CSTA: variants seen among roughly 807,000 people sequenced by gnomAD.
CSTA encodes cystatin A.
Under a neutral mutation model 9.2 loss-of-function variants are expected in CSTA, and 9 were observed. The observed-to-expected ratio is 0.97, with a 90% CI of 0.59 to 1.70. The LOEUF (loss-of-function observed/expected upper bound fraction) is 1.70, where lower values mean the gene tolerates loss of function less well. CSTA is among the 40% of genes most tolerant of loss of function. The pLI, the probability that CSTA is intolerant of heterozygous loss-of-function variation, is 0.00. For missense variants in CSTA, 118 were observed against 113.1 expected (o/e 1.04, Z -0.20); for synonymous variants, 36 against 40.6 (o/e 0.89, Z 0.43).
chr3:122,332,014 A>C (rs2075207374), intron 1 of CSTA, among the ~76,000 whole-genome samples: 1 of 152,200 alleles, frequency 6.6e-6, no homozygotes, highest in South Asian at 2.1e-4. Context: ...TCCCACTCCT[A>C]TGAGAATCTA....
chr3:122,337,732 T>C (rs2107668323), intron 2 of CSTA, 84 bp downstream of exon 2: 1 of 954,472 alleles, frequency 1.0e-6, no homozygotes, highest in South Asian at 1.3e-5. Context: ...TACCACATAA[T>C]TCCTTCCTTA....
At chr3:122,336,239 T>C (rs2075236882) in intron 1 of CSTA, among the ~76,000 whole-genome samples, 1 of 152,160 alleles carries the variant, frequency 6.6e-6, no homozygotes, top group African/African-American at 2.4e-5. Flanking sequence ...GAGAAATAGT[T>C]GATTCCAGTG....
chr3:122,339,774 G>C (rs1029110877), intron 2 of CSTA, among the ~76,000 whole-genome samples: 1 of 152,184 alleles, frequency 6.6e-6, no homozygotes, highest in Non-Finnish European at 1.5e-5. Flanking sequence ...AGGATCACTT[G>C]AGCCGAGGAG....
chr3:122,335,672 C>A (rs2075232727), intron 1 of CSTA, among the ~76,000 whole-genome samples: 1 of 151,810 alleles, frequency 6.6e-6, no homozygotes, highest in Admixed American at 6.6e-5. Flanking sequence ...ACTCTTGTTG[C>A]CCAGGCTGGA....
Position 122,341,704 on chromosome 3 carries a change from A to C in CSTA, c.*137A>C. 1 of 1,120,596 alleles carries C rather than the reference A, an allele frequency of 8.9e-7. No individual in the cohort carries two copies. The highest frequency in any genetic ancestry group is 1.3e-6 in the Non-Finnish European group (1 of 767,064). 69.4% of individuals were successfully genotyped at this position (1,120,596 alleles called of 1,614,324 possible). A position where few individuals can be genotyped will look rare whatever the true frequency, so the allele number is the denominator to read the frequency against. On this transcript the variant is annotated 3_prime_UTR_variant, in exon 3 of 3. Coordinates refer to ENST00000264474, the MANE Select transcript of CSTA (RefSeq NM_005213.4). ...TCAATTATTTCTCATTTATTGTATT[A>C]AGCAGAAATTACCTTTTCTTTCTCA...
Position 122,341,667 on chromosome 3 carries a change from G to T in CSTA, c.*100G>T. ...CAATAAAGAAGCATTCTTTTCCAAA[G>T]AAATTATTTCTTCAATTATTTCTCA... On this transcript the variant is annotated 3_prime_UTR_variant, in exon 3 of 3. Coordinates refer to ENST00000264474, the MANE Select transcript of CSTA (RefSeq NM_005213.4). 4 of 1,415,754 alleles carry T rather than the reference G, an allele frequency of 2.8e-6. No individual in the cohort carries two copies. The highest frequency in any genetic ancestry group is 3.0e-6 in the Non-Finnish European group (3 of 1,014,858). The allele number at this position is 1,415,754 out of a possible 1,614,324, so 87.7% of individuals were successfully genotyped here. A position where few individuals can be genotyped will look rare whatever the true frequency, so the allele number is the denominator to read the frequency against.
At chr3:122,330,061 A>G (rs1224350973) in intron 1 of CSTA, among the ~76,000 whole-genome samples, 2 of 152,204 alleles carry the variant, frequency 1.3e-5, no homozygotes, top group Non-Finnish European at 1.5e-5. Flanking sequence ...AACAGCCCCA[A>G]GAGGCAGGTA....
intron 1 of CSTA, among the ~76,000 whole-genome samples, chr3:122,333,606 G>GAGGAAGGAAGGAAAAGGAAAGGAA (rs1488153826): frequency 7.6e-6 from 1 of 131,180 alleles, no homozygotes; most frequent in African/African-American, 2.7e-5. Flanking sequence ...AAGAGAGAGA[G>GAGGAAGGAAGGAAAAGGAAAGGAA]AGGAAGGAAG....
downstream of CSTA, chr3:122,341,969 A>AGTGT (rs35225251): frequency 9.2e-4 from 182 of 198,264 alleles, 1 homozygote; most frequent in African/African-American, 3.4e-3. Flanking sequence ...TATTTTACAA[A>AGTGT]GTGTGTGTGT....
At chr3:122,333,847 A>C (rs1244792970) in intron 1 of CSTA, among the ~76,000 whole-genome samples, 2 of 152,242 alleles carry the variant, frequency 1.3e-5, no homozygotes, top group Non-Finnish European at 2.9e-5. Flanking sequence ...TCATGCAAGG[A>C]CTTTAAAATA....
At chr3:122,337,380 G>A (rs1325461331) in intron 1 of CSTA, among the ~76,000 whole-genome samples, 167 bp from the exon 2 acceptor site, 4 of 152,110 alleles carry the variant, frequency 2.6e-5, no homozygotes, top group African/African-American at 9.7e-5. Context: ...TTTAACCTAT[G>A]TAATTGTATT....
At chr3:122,333,969 T>C (rs558616784) in intron 1 of CSTA, among the ~76,000 whole-genome samples, 1 of 152,214 alleles carries the variant, frequency 6.6e-6, no homozygotes, top group East Asian at 1.9e-4. Flanking sequence ...GTGTAGAGAT[T>C]AACTCTTTCA....
In CSTA at chr3:122,333,540, G is replaced by GAAGAAAGAAAAGAAAGAAGAAAGAAAGA. The variant is rs1460272182; in HGVS notation, c.67-3997_67-3996insAGAAAGAAGAAAGAAAGAAAGAAAGAAA. Among the ~76,000 whole-genome samples, 28 of 112,174 alleles carry GAAGAAAGAAAAGAAAGAAGAAAGAAAGA rather than the reference G, an allele frequency of 2.5e-4. No homozygotes were observed. In the East Asian group the frequency reaches 4.4e-3, roughly 18 times the overall value. The allele number at this position is 112,174 out of a possible 152,430, so 73.6% of individuals were successfully genotyped here. ...AGAGAGAAGAAAGAAAGAAAAGAAA[G>GAAGAAAGAAAAGAAAGAAGAAAGAAAGA]AAGAAAGAAAGAAAGAAAGAAAGAA... On this transcript the variant is annotated intron_variant, in intron 1 of 2. Coordinates refer to ENST00000264474, the MANE Select transcript of CSTA (RefSeq NM_005213.4).
chr3:122,336,103 C>T (rs1462983532), intron 1 of CSTA, among the ~76,000 whole-genome samples: 1 of 152,116 alleles, frequency 6.6e-6, no homozygotes, highest in African/African-American at 2.4e-5. Flanking sequence ...TGTGAGTACA[C>T]ATATTATTTT....
chr3:122,338,313 A>G (rs2075246971), intron 2 of CSTA: 1 of 152,196 alleles, frequency 6.6e-6, no homozygotes, highest in African/African-American at 2.4e-5. Flanking sequence ...TCAACCATGA[A>G]TATTTGAGAG....
At chr3:122,325,794 G>A (rs886781856) in intron 1 of CSTA, among the ~76,000 whole-genome samples, 2 of 152,142 alleles carry the variant, frequency 1.3e-5, no homozygotes, top group Non-Finnish European at 2.9e-5. Context: ...TAGATTGAAT[G>A]AAGAATAATA....
At chr3:122,330,796 A>G (rs1435225066) in intron 1 of CSTA, among the ~76,000 whole-genome samples, 1 of 152,206 alleles carries the variant, frequency 6.6e-6, no homozygotes, top group Non-Finnish European at 1.5e-5. Flanking sequence ...TAGCAGGGAC[A>G]TAAAATAGTG....
chr3:122,339,728 A>G (rs577497215), intron 2 of CSTA, among the ~76,000 whole-genome samples: 1 of 152,318 alleles, frequency 6.6e-6, no homozygotes, highest in East Asian at 1.9e-4. Flanking sequence ...GGTGATGCAC[A>G]CCAGTAGTCC....
chr3:122,338,499 CA>C (rs58446448), intron 2 of CSTA, among the ~76,000 whole-genome samples: 116,732 of 140,220 alleles, frequency 0.83, 48,730 homozygotes, highest in Middle Eastern at 0.91. Context: ...ATTTTTTCAG[CA>C]AAAAAAAAAA....
Sources: allele counts gnomAD v4.1 joint callset (sites outside exome capture counted in the v4.1 genomes callset), GRCh38; gene constraint gnomAD v4.1.1; transcripts MANE v1.5; gene names NCBI Gene and HGNC (gene_info 2026-07-23, HGNC 2026-07-21).